EIF4E2: variants seen among roughly 807,000 people sequenced by gnomAD.
The protein encoded by EIF4E2 is eukaryotic translation initiation factor 4E type 2.
A neutral mutation model predicts 34.2 loss-of-function variants in EIF4E2; 13 were observed. That is an observed-to-expected ratio of 0.38 (90% CI 0.25 to 0.60). The LOEUF (loss-of-function observed/expected upper bound fraction) is 0.60, where lower values mean the gene tolerates loss of function less well. Ranked by LOEUF, EIF4E2 falls within the 20% of genes least tolerant of loss-of-function variation. The pLI, the probability that EIF4E2 is intolerant of heterozygous loss-of-function variation, is 0.62. For missense variants in EIF4E2, 222 were observed against 315.1 expected (o/e 0.70, Z 2.24); for synonymous variants, 100 against 106.6 (o/e 0.94, Z 0.38).
intron 1 of EIF4E2, among the ~76,000 whole-genome samples, chr2:232,551,406 G>A (rs1241782404): frequency 6.6e-6 from 1 of 152,172 alleles, no homozygotes; most frequent in African/African-American, 2.4e-5. Context: ...CAGTTTGGAG[G>A]TACAGAGAGA....
In EIF4E2 at chr2:232,566,976, T is replaced by C; in HGVS notation, c.523T>C (p.Phe175Leu). 1 of 1,592,778 alleles carries C rather than the reference T, an allele frequency of 6.3e-7. No individual in the cohort carries two copies. Among genetic ancestry groups the C allele is most frequent in the Non-Finnish European group, 8.6e-7 (1 of 1,169,052 alleles). ...EICGAVVSVR[F>L]QEDIISIWNK... The stretch of plus-strand genomic sequence containing the variant: ...CTGTGGGGCTGTGGTGTCTGTCCGC[T>C]TTCAGGTAAGCCACCCATGAGCCAG... The change falls in exon 5 of 7, where the codon TTT becomes CTT. Residue 175 changes from phenylalanine to leucine, a missense_variant. Phe to Leu is a conservative substitution (Grantham distance 22). Coordinates refer to ENST00000258416, the MANE Select transcript of EIF4E2 (RefSeq NM_004846.4). This position sits in a 1 kb window ranked among gnomAD's most constrained non-coding sequence, Gnocchi z 4.9.
intron 1 of EIF4E2, among the ~76,000 whole-genome samples, chr2:232,555,800 G>C (rs527636869): frequency 2.6e-5 from 4 of 152,224 alleles, no homozygotes; most frequent in Non-Finnish European, 5.9e-5. Flanking sequence ...ACATTTTGCT[G>C]TACTTTATCT....
intron 1 of EIF4E2, chr2:232,553,921 A>G (rs541714357): frequency 1.3e-5 from 2 of 152,200 alleles, no homozygotes; most frequent in African/African-American, 4.8e-5. Flanking sequence ...CAAAAACAAG[A>G]TGCTGGGATG....
At chr2:232,580,823 A>T (rs899481431) in intron 6 of EIF4E2, 2 of 1,298,820 alleles carry the variant, frequency 1.5e-6, no homozygotes, top group Non-Finnish European at 2.1e-6. Context: ...CTGATGAGTC[A>T]GCATCCCCCT....
chr2:232,567,973 G>T (rs547055552), intron 6 of EIF4E2: 1 of 972,474 alleles, frequency 1.0e-6, no homozygotes, highest in African/African-American at 1.8e-5. Flanking sequence ...CTCTCATATG[G>T]CCCCATACCA....
chr2:232,563,036 C>G (rs1284226693), intron 3 of EIF4E2, among the ~76,000 whole-genome samples: 1 of 152,198 alleles, frequency 6.6e-6, no homozygotes, highest in Admixed American at 6.5e-5. Flanking sequence ...TAGGTGCTCC[C>G]CATATCTAGA....
chr2:232,561,742 A>G (rs1425047920), intron 3 of EIF4E2, among the ~76,000 whole-genome samples: 1 of 152,180 alleles, frequency 6.6e-6, no homozygotes, highest in Non-Finnish European at 1.5e-5. Context: ...ATCAGAGCTC[A>G]CCTATTCTGA....
intron 1 of EIF4E2, 39 bp downstream of exon 1, chr2:232,550,783 A>G: frequency 6.5e-7 from 1 of 1,539,102 alleles, no homozygotes. Context: ...CCCTTCCCCG[A>G]ACAGTTCCCC....
downstream of EIF4E2, chr2:232,573,806 ACAT>A: frequency 3.1e-6 from 1 of 325,628 alleles, no homozygotes; most frequent in South Asian, 2.6e-5. Flanking sequence ...GCATCTTTAG[ACAT>A]CATAATGCTG....
At chr2:232,560,470 C>T (rs980287545) in intron 3 of EIF4E2, among the ~76,000 whole-genome samples, 1 of 152,200 alleles carries the variant, frequency 6.6e-6, no homozygotes, top group Non-Finnish European at 1.5e-5. Context: ...ACTAAACGCA[C>T]AAGCAGCAAA....
At chr2:232,568,822 G>A in intron 6 of EIF4E2, 123 bp from the exon 7 acceptor site, 1 of 1,504,490 alleles carries the variant, frequency 6.6e-7, no homozygotes, top group Non-Finnish European at 8.9e-7. Context: ...TCTGCCTCTG[G>A]GACTTCAGCC....
chr2:232,580,084 C>CCACACACA (rs6147227), intron 6 of EIF4E2, among the ~76,000 whole-genome samples: 1,978 of 145,208 alleles, frequency 0.014, 17 homozygotes, highest in Admixed American at 0.023. Context: ...CACATACATA[C>CCACACACA]CACACACACA....
chr2:232,576,917 A>T (rs1380163526), intron 6 of EIF4E2, among the ~76,000 whole-genome samples: 1 of 152,236 alleles, frequency 6.6e-6, no homozygotes, highest in Non-Finnish European at 1.5e-5. Flanking sequence ...ATGAATCACA[A>T]ATATTTTTCC....
intron 1 of EIF4E2, among the ~76,000 whole-genome samples, chr2:232,552,839 G>A (rs77132390): frequency 1.6e-4 from 25 of 152,030 alleles, no homozygotes; most frequent in African/African-American, 5.1e-4. Flanking sequence ...TTTGAAATTA[G>A]CAGTTGAAAA....
At chr2:232,570,885 T>G (rs1693075240), downstream of EIF4E2, among the ~76,000 whole-genome samples, 1 of 152,078 alleles carries the variant, frequency 6.6e-6, no homozygotes, top group African/African-American at 2.4e-5. Flanking sequence ...TGCAGGGGGC[T>G]GAGATTGCAC....
At chr2:232,578,497 G>A (rs997909133) in intron 6 of EIF4E2, among the ~76,000 whole-genome samples, 2 of 151,996 alleles carry the variant, frequency 1.3e-5, no homozygotes, top group Non-Finnish European at 2.9e-5. Context: ...TGGGCGTGGT[G>A]GTGCACGCCT....
chr2:232,569,443 CTTAAA>C (rs1208752067), downstream of EIF4E2, among the ~76,000 whole-genome samples: 8 of 152,186 alleles, frequency 5.3e-5, no homozygotes, highest in African/African-American at 1.7e-4. Flanking sequence ...TTTTCTGGTA[CTTAAA>C]TTTGAGTTCC....
chr2:232,575,234 G>A (rs1396717200), intron 6 of EIF4E2, among the ~76,000 whole-genome samples: 2 of 152,230 alleles, frequency 1.3e-5, no homozygotes, highest in Non-Finnish European at 2.9e-5. Flanking sequence ...AAGGAGACCT[G>A]CATCCCTCCC....
rs1414468943 is a variant in EIF4E2 at position 232,568,947 on chromosome 2, T to C, written c.668T>C (p.Met223Thr). The C allele has an allele frequency of 6.2e-7, 1 of 1,614,096 alleles. No individual in the cohort carries two copies. The highest frequency in any genetic ancestry group is 8.5e-7 in the Non-Finnish European group (1 of 1,180,046). The stretch of plus-strand genomic sequence containing the variant: ...CCAACCTTTTGCACTTCCACTAGAA[T>C]GCCAGGCAGGCTGGGCCCCCAAAGG... Reference protein sequence around the residue: ...EYKTHTDSIKMPGRLGPQRLL... With the variant: ...EYKTHTDSIKTPGRLGPQRLL... The change falls in exon 7 of 7, where the codon ATG (methionine) becomes ACG (threonine). Residue 223 changes from methionine to threonine, a missense_variant and splice_region_variant. Physicochemically the swap from Met to Thr is moderately conservative, Grantham distance 81. Coordinates refer to ENST00000258416, the MANE Select transcript of EIF4E2 (RefSeq NM_004846.4).
Sources: gnomAD v4.1 joint callset for allele counts (sites outside exome capture counted in the v4.1 genomes callset) on GRCh38, gnomAD v4.1.1 for gene constraint, Gnocchi (gnomAD v3.1) non-coding constraint, MANE v1.5 for transcripts, NCBI Gene and HGNC (gene_info 2026-07-23, HGNC 2026-07-21) for gene names.